MLF1: variants seen among roughly 807,000 people sequenced by gnomAD.
MLF1 encodes myeloid leukemia factor 1, also known as myelodysplasia-myeloid leukemia factor 1.
A neutral mutation model predicts 38.3 loss-of-function variants in MLF1; 37 were observed. The observed-to-expected ratio is 0.96, with a 90% CI of 0.74 to 1.27. MLF1 has a LOEUF of 1.27. Ranked by LOEUF, MLF1 falls within the 50% of genes most tolerant of loss-of-function variation. The pLI is 0.00. For missense variants in MLF1, 331 were observed against 349.2 expected, an observed-to-expected ratio of 0.95 and a Z score of 0.42; for synonymous variants, 95 against 106.5, an observed-to-expected ratio of 0.89 and a Z score of 0.66.
intron 7 of MLF1, among the ~76,000 whole-genome samples, chr3:158,603,640 C>A (rs988203139): frequency 2.0e-5 from 3 of 152,082 alleles, no homozygotes; most frequent in Admixed American, 2.0e-4. Context: ...GAGTTCGATA[C>A]CAGCCTGGCC....
intron 3 of MLF1, 73 bp downstream of exon 3, chr3:158,593,499 G>T: frequency 8.1e-7 from 1 of 1,228,830 alleles, no homozygotes; most frequent in South Asian, 1.4e-5. Context: ...AACTCAAGCT[G>T]ACTGAATTGG....
intron 6 of MLF1, among the ~76,000 whole-genome samples, chr3:158,601,461 T>A (rs1419892370): frequency 6.6e-6 from 1 of 152,118 alleles, no homozygotes; most frequent in African/African-American, 2.4e-5. Context: ...TCCCAGCTAC[T>A]CGTGGGGCTG....
chr3:158,574,037 G>A (rs926711442), intron 1 of MLF1, among the ~76,000 whole-genome samples: 9 of 152,142 alleles, frequency 5.9e-5, no homozygotes, highest in African/African-American at 2.2e-4. Context: ...GAGCTTAAGT[G>A]ATCTGCCTCC....
rs776752031 is a variant in MLF1, at chr3:158,598,183, C to A, written c.428C>A (p.Thr143Asn). 5.0e-6 allele frequency: 8 copies of A among 1,613,704 alleles called. No homozygotes were observed. The highest frequency in any genetic ancestry group is 3.3e-5 in the Admixed American group (2 of 59,952). ...CCGCCAAAGGTTTTTCAGGCCTCAA[C>A]TCAAACTCGTCGAGCTCCAGGAGGA... is the stretch of plus-strand genomic sequence containing the variant. ...DEPPKVFQAS[T>N]QTRRAPGGIK... The change falls in exon 5 of 8, where the codon ACT (threonine) becomes AAT (asparagine). Residue 143 changes from threonine (T) to asparagine (N), a missense_variant. Transcript: ENST00000466246.
At chr3:158,588,808 T>G (rs1474839918) in intron 1 of MLF1, 1 of 453,754 alleles carries the variant, frequency 2.2e-6, no homozygotes, top group Non-Finnish European at 4.4e-6. Context: ...AGACATAAGC[T>G]TCTATGGCAT....
At chr3:158,577,054 C>T (rs1411917423) in intron 1 of MLF1, among the ~76,000 whole-genome samples, 2 of 152,056 alleles carry the variant, frequency 1.3e-5, no homozygotes, top group East Asian at 3.9e-4. Context: ...ATCTGATGAC[C>T]AGTATTTGGT....
At chr3:158,589,736 G>C (rs1448536726) in intron 1 of MLF1, among the ~76,000 whole-genome samples, 1 of 152,162 alleles carries the variant, frequency 6.6e-6, no homozygotes, top group African/African-American at 2.4e-5. Context: ...TTATGGTGGA[G>C]ATCAGAAGTC....
chr3:158,591,347 A>T (rs972899883), intron 1 of MLF1, among the ~76,000 whole-genome samples: 1 of 151,888 alleles, frequency 6.6e-6, no homozygotes, highest in South Asian at 2.1e-4. Context: ...TTTAGTAGAG[A>T]TGGGGTTTTA....
chr3:158,600,087 A>G lies in MLF1; in HGVS notation c.527A>G (p.His176Arg). The G allele has an allele frequency of 6.7e-7, 1 of 1,485,960 alleles. No individual in the cohort carries two copies. Among genetic ancestry groups the G allele is most frequent in the East Asian group, 2.6e-5 (1 of 39,052 alleles). 92.0% of individuals were successfully genotyped at this position (1,485,960 alleles called of 1,614,324 possible). ...LEKMAIGHHI[H>R]DRAHVIKKSK... ...AAAATGGCTATTGGTCATCATATCC[A>G]TGACCGAGCTCATGTCATTAAAAAG... is the stretch of plus-strand genomic sequence containing the variant. Residue 176 changes from histidine to arginine, a missense_variant, in exon 6 of 8, where the codon CAT (histidine) becomes CGT (arginine). Transcript: ENST00000466246.
chr3:158,576,708 T>C (rs1457213569), intron 1 of MLF1, among the ~76,000 whole-genome samples: 3 of 146,002 alleles, frequency 2.1e-5, no homozygotes, highest in East Asian at 2.0e-4. Context: ...AGTCTGGCAC[T>C]GTTGCCCAGG....
intron 1 of MLF1, among the ~76,000 whole-genome samples, chr3:158,574,228 T>A (rs1263230913): frequency 6.6e-6 from 1 of 152,148 alleles, no homozygotes; most frequent in South Asian, 2.1e-4. Flanking sequence ...ATGATTAAAA[T>A]TTTTTTCTGA....
At chr3:158,595,505 C>A (rs528931801) in intron 3 of MLF1, among the ~76,000 whole-genome samples, 1 of 152,208 alleles carries the variant, frequency 6.6e-6, no homozygotes, top group African/African-American at 2.4e-5. Context: ...CTCTTTTTAT[C>A]CTTCTTTGGG....
At chr3:158,598,403 AT>A (rs11336788) in intron 5 of MLF1, among the ~76,000 whole-genome samples, 195 bp downstream of exon 5, 51,469 of 149,648 alleles carry the variant, frequency 0.34, 9,455 homozygotes, top group East Asian at 0.66. Context: ...AGTTTGTGGC[AT>A]TTTTTTTGTA....
chr3:158,571,298 A>AGAAT lies in MLF1; in HGVS notation c.-1_3dup. The AGAAT allele has an allele frequency of 6.2e-7, 1 of 1,611,914 alleles. No homozygotes were observed. ...GGCTGCCGCCACCCAAGACAGAGCCAGAATGTTCAGGATGCTGAACAGCAG... is the reference window on the plus strand; with the variant it reads ...GGCTGCCGCCACCCAAGACAGAGCCAGAATGAATGTTCAGGATGCTGAACAGCAG... On this transcript the variant is annotated 5_prime_UTR_variant, in exon 1 of 8. In the 5' UTR this introduces an upstream ATG that the reference lacks. Coordinates refer to ENST00000466246, the MANE Select transcript of MLF1 (RefSeq NM_001369783.1).
intron 7 of MLF1, among the ~76,000 whole-genome samples, chr3:158,603,917 C>T (rs1009657181): frequency 5.3e-5 from 8 of 152,028 alleles, no homozygotes; most frequent in African/African-American, 1.9e-4. Context: ...ATGTGGTTCT[C>T]AGAGGAATAA....
chr3:158,580,129 A>T (rs183664878), intron 1 of MLF1, among the ~76,000 whole-genome samples: 141 of 152,312 alleles, frequency 9.3e-4, no homozygotes, highest in Admixed American at 2.2e-3. Flanking sequence ...ACCTTCAAAT[A>T]AAAAGTAGAG....
intron 1 of MLF1, among the ~76,000 whole-genome samples, chr3:158,575,124 G>A (rs1373607560): frequency 6.6e-6 from 1 of 152,156 alleles, no homozygotes; most frequent in African/African-American, 2.4e-5. Flanking sequence ...CTTCCTCTGT[G>A]CTTAGGGTGA....
At chr3:158,575,897 G>C (rs1715349465) in intron 1 of MLF1, among the ~76,000 whole-genome samples, 1 of 151,976 alleles carries the variant, frequency 6.6e-6, no homozygotes, top group African/African-American at 2.4e-5. Flanking sequence ...TTCAATATAA[G>C]CAAACGCTAC....
chr3:158,603,409 A>G (rs953803188), intron 7 of MLF1, among the ~76,000 whole-genome samples: 4 of 152,248 alleles, frequency 2.6e-5, no homozygotes, highest in Non-Finnish European at 4.4e-5. Context: ...TATAATATGT[A>G]ACAGTACATG....
Sources: allele counts gnomAD v4.1 joint callset (sites outside exome capture counted in the v4.1 genomes callset), GRCh38; gene constraint gnomAD v4.1.1; transcripts MANE v1.5; gene names NCBI Gene and HGNC (gene_info 2026-07-23, HGNC 2026-07-21).